NRG3: variants seen among roughly 807,000 people sequenced by gnomAD.
NRG3 encodes pro-neuregulin-3, membrane-bound isoform.
In NRG3, 31 loss-of-function variants were observed where a neutral mutation model predicts 66.9. That is an observed-to-expected ratio of 0.46 (90% CI 0.35 to 0.63). The LOEUF (loss-of-function observed/expected upper bound fraction) is 0.63. Among genes scored for constraint, NRG3 ranks in the 20% least tolerant of loss-of-function variants. The pLI is 0.00. For synonymous variants in NRG3, 393 were observed against 359.4 expected (o/e 1.09, Z -1.06); for missense variants, 910 against 878.9 (o/e 1.04, Z -0.45).
intron 2 of NRG3, among the ~76,000 whole-genome samples, chr10:82,472,424 G>T (rs1316211828): frequency 5.3e-5 from 8 of 152,204 alleles, no homozygotes; most frequent in Admixed American, 5.2e-4. Context: ...TTTTTGAAAA[G>T]AGAGATTGAG....
chr10:82,725,794 C>T (rs1196722938), intron 2 of NRG3, among the ~76,000 whole-genome samples: 1 of 152,072 alleles, frequency 6.6e-6, no homozygotes, highest in Admixed American at 6.5e-5. Flanking sequence ...CTGTATTTTA[C>T]CTGGCAACAC....
chr10:82,055,390 T>G (rs893592677), intron 1 of NRG3, among the ~76,000 whole-genome samples: 1 of 149,686 alleles, frequency 6.7e-6, no homozygotes, highest in Non-Finnish European at 1.5e-5. Context: ...GGCAGGAGAA[T>G]GGCCTGAACC....
intron 2 of NRG3, among the ~76,000 whole-genome samples, chr10:82,712,867 C>A (rs2056754967): frequency 6.6e-6 from 1 of 151,994 alleles, no homozygotes; most frequent in African/African-American, 2.4e-5. Context: ...AAAGAGTAAT[C>A]CCAGCATTTT....
intron 2 of NRG3, among the ~76,000 whole-genome samples, chr10:82,666,454 C>T (rs1172208118): frequency 6.6e-6 from 1 of 152,136 alleles, no homozygotes; most frequent in Non-Finnish European, 1.5e-5. Flanking sequence ...ACCCTATTCC[C>T]ATCAGGTTCC....
intron 4 of NRG3, among the ~76,000 whole-genome samples, chr10:82,881,999 C>A (rs1211552354): frequency 6.6e-6 from 1 of 152,114 alleles, no homozygotes; most frequent in Non-Finnish European, 1.5e-5. Context: ...TTGCATCTTG[C>A]CACACCACCT....
At chr10:82,393,830 C>T (rs2135984196) in intron 2 of NRG3, among the ~76,000 whole-genome samples, 1 of 152,276 alleles carries the variant, frequency 6.6e-6, no homozygotes, top group African/African-American at 2.4e-5. Context: ...GTTAGGGATC[C>T]ACTTACTGTC....
At chr10:82,285,390 C>G (rs2079362022) in intron 1 of NRG3, among the ~76,000 whole-genome samples, 1 of 152,256 alleles carries the variant, frequency 6.6e-6, no homozygotes, top group African/African-American at 2.4e-5. Flanking sequence ...CTGTTTATTG[C>G]ACCAGCCATT....
intron 1 of NRG3, among the ~76,000 whole-genome samples, chr10:81,969,741 C>G (rs1319989286): frequency 6.6e-6 from 1 of 151,718 alleles, no homozygotes; most frequent in African/African-American, 2.4e-5. Flanking sequence ...TTAATAATAC[C>G]TGCTGATTTC....
At chr10:82,441,066 T>A (rs2090409588) in intron 2 of NRG3, among the ~76,000 whole-genome samples, 2 of 152,218 alleles carry the variant, frequency 1.3e-5, no homozygotes, top group African/African-American at 4.8e-5. Flanking sequence ...CCTTTGGCAT[T>A]GCAGATTAGC....
chr10:82,777,313 C>T (rs552662900), intron 3 of NRG3, among the ~76,000 whole-genome samples: 1 of 152,104 alleles, frequency 6.6e-6, no homozygotes, highest in South Asian at 2.1e-4. Flanking sequence ...TTATGTTTAC[C>T]CACAGTAGAG....
intron 1 of NRG3, among the ~76,000 whole-genome samples, chr10:81,968,883 G>T: frequency 6.6e-6 from 1 of 152,188 alleles, no homozygotes; most frequent in Admixed American, 6.5e-5. Context: ...ATGTGCTGAG[G>T]CAGAATCAGA....
intron 2 of NRG3, among the ~76,000 whole-genome samples, chr10:82,734,029 C>G (rs2058043100): frequency 6.6e-6 from 1 of 152,168 alleles, no homozygotes; most frequent in Non-Finnish European, 1.5e-5. Context: ...AAGTCTCTTC[C>G]TTAGGGTCCT....
At chr10:82,121,169 C>T (rs2068065191) in intron 1 of NRG3, among the ~76,000 whole-genome samples, 1 of 152,092 alleles carries the variant, frequency 6.6e-6, no homozygotes, top group South Asian at 2.1e-4. Flanking sequence ...CTAGATTCCA[C>T]CACCACAGTT....
chr10:82,499,154 A>G (rs1590360172), intron 2 of NRG3, among the ~76,000 whole-genome samples: 1 of 152,316 alleles, frequency 6.6e-6, no homozygotes, highest in East Asian at 1.9e-4. Context: ...TCAGCTGGAA[A>G]AAGAATTCTC....
chr10:82,081,849 T>A (rs1318717533), intron 1 of NRG3, among the ~76,000 whole-genome samples: 1 of 152,182 alleles, frequency 6.6e-6, no homozygotes, highest in East Asian at 1.9e-4. Flanking sequence ...CTGGCTGAGT[T>A]TGCTTGCTTT....
At chr10:82,291,529 TA>T (rs2079747751) in intron 1 of NRG3, among the ~76,000 whole-genome samples, 1 of 152,170 alleles carries the variant, frequency 6.6e-6, no homozygotes, top group Admixed American at 6.6e-5. Flanking sequence ...TGAAAAATAA[TA>T]AAGTGGGAAG....
intron 2 of NRG3, among the ~76,000 whole-genome samples, chr10:82,613,726 G>A (rs990793239): frequency 6.6e-6 from 1 of 151,148 alleles, no homozygotes; most frequent in Admixed American, 6.6e-5. Flanking sequence ...TAGGGTACAT[G>A]TGCATAATGT....
At chr10:82,813,695 G>T (rs1042643408) in intron 3 of NRG3, among the ~76,000 whole-genome samples, 1 of 152,082 alleles carries the variant, frequency 6.6e-6, no homozygotes, top group Non-Finnish European at 1.5e-5. Context: ...GCTGTCTTTT[G>T]TAACACAGTC....
At chr10:82,710,143 G>A (rs528610014) in intron 2 of NRG3, among the ~76,000 whole-genome samples, 12 of 152,234 alleles carry the variant, frequency 7.9e-5, no homozygotes, top group African/African-American at 2.9e-4. Flanking sequence ...TTGCACTTCT[G>A]CACAAGTATG....
Sources: allele counts gnomAD v4.1 joint callset (sites outside exome capture counted in the v4.1 genomes callset), GRCh38; gene constraint gnomAD v4.1.1; transcripts MANE v1.5; gene names NCBI Gene and HGNC (gene_info 2026-07-23, HGNC 2026-07-21).